SMARCA2: variants seen among roughly 807,000 people sequenced by gnomAD.
SMARCA2 encodes SWI/SNF related BAF chromatin remodeling complex subunit ATPase 2, also known as SWI/SNF-related matrix-associated actin-dependent regulator of chromatin subfamily A member 2.
Under a neutral mutation model 199.8 loss-of-function variants are expected in SMARCA2, and 61 were observed. The observed-to-expected ratio is 0.31, with a 90% CI of 0.25 to 0.38. The LOEUF is 0.38. SMARCA2 is among the 10% of genes least tolerant of loss of function. The probability of loss-of-function intolerance (pLI) is 1.00; values close to 1 mark genes in which losing one functional copy is unlikely to be tolerated. For missense variants in SMARCA2, 1,344 were observed against 2,012.2 expected (o/e 0.67, Z 6.35); for synonymous variants, 935 against 732.0 (o/e 1.28, Z -4.48).
chr9:2,159,498 T>G (rs1388138115), intron 27 of SMARCA2: 2 of 231,176 alleles, frequency 8.7e-6, no homozygotes, highest in East Asian at 9.1e-5. Context: ...TACCTTGTTT[T>G]AATTTTTTAA....
intron 27 of SMARCA2, among the ~76,000 whole-genome samples, chr9:2,144,045 C>T (rs550467145): frequency 1.3e-5 from 2 of 151,898 alleles, no homozygotes; most frequent in Non-Finnish European, 2.9e-5. Context: ...ATCGTACATA[C>T]CCTTTTCATA....
At chr9:2,062,986 T>A (rs1196123000) in intron 9 of SMARCA2, among the ~76,000 whole-genome samples, 1 of 152,212 alleles carries the variant, frequency 6.6e-6, no homozygotes, top group Non-Finnish European at 1.5e-5. Context: ...AAGCAGCTAC[T>A]GTCTACCTTA....
chr9:2,137,215 ATTTTGGAGGATACC>A (rs1824234525), intron 27 of SMARCA2, among the ~76,000 whole-genome samples: 2 of 152,312 alleles, frequency 1.3e-5, no homozygotes, highest in South Asian at 4.1e-4. Context: ...GATTTTTGGC[ATTTTGGAGGATACC>A]TTTCCTCCTT....
chr9:2,148,022 C>T (rs1765887123), intron 27 of SMARCA2, among the ~76,000 whole-genome samples: 1 of 151,550 alleles, frequency 6.6e-6, no homozygotes, highest in South Asian at 2.1e-4. Context: ...CTAATATTAA[C>T]AAAGCATGCT....
At chr9:2,118,449 TACACTC>T (rs1410117828) in intron 25 of SMARCA2, among the ~76,000 whole-genome samples, 5 of 152,124 alleles carry the variant, frequency 3.3e-5, no homozygotes, top group African/African-American at 1.2e-4. Flanking sequence ...GAGCCGCTAG[TACACTC>T]ATACTCTTTC....
intron 4 of SMARCA2, chr9:2,042,804 G>A (rs1024720275): frequency 1.3e-5 from 2 of 151,940 alleles, no homozygotes; most frequent in African/African-American, 4.8e-5. Flanking sequence ...ACAATATTTG[G>A]GCAGGTAGGG....
chr9:2,160,022 G>C, intron 27 of SMARCA2: 2 of 1,419,030 alleles, frequency 1.4e-6, no homozygotes, highest in Middle Eastern at 1.8e-4. Flanking sequence ...GTGTGCAACT[G>C]GGTGCTTGAG....
rs957600647 is a variant in SMARCA2, at chr9:2,016,708, G to C, written c.-37+1304G>C. Among the ~76,000 whole-genome samples, 6 of 152,168 alleles carry C rather than the reference G, an allele frequency of 3.9e-5. No homozygotes were observed. In the East Asian group the frequency reaches 9.7e-4, roughly 25 times the overall value. ...GGCGAGGGCGGGAGGCGGGGAGACC[G>C]GGTAGGAGCCTCCTCCCAACGATGA... On this transcript the variant is annotated intron_variant, in intron 1 of 33. Transcript: ENST00000349721. The surrounding 1 kb of genome is among the most constrained non-coding windows in gnomAD (Gnocchi z 5.6).
Position 2,077,714 on chromosome 9 carries a change from A to G in SMARCA2, c.2122A>G (p.Ile708Val), listed in dbSNP as rs376376092. 9.3e-6 allele frequency: 15 copies of G among 1,613,944 alleles called. No homozygotes were observed. Among genetic ancestry groups the G allele is most frequent in the South Asian group, 4.4e-5 (4 of 91,080 alleles). ...SQSYYTVAHA[I>V]SERVEKQSAL... ...GTCCTACTACACCGTGGCTCATGCCATCTCGGAGAGGGTGGAGAAACAGTC... is the reference window on the plus strand; with the variant it reads ...GTCCTACTACACCGTGGCTCATGCCGTCTCGGAGAGGGTGGAGAAACAGTC... Residue 708 changes from isoleucine (I) to valine (V), a missense_variant, in exon 14 of 34, where the codon ATC (isoleucine) becomes GTC (valine). Transcript: ENST00000349721.
Position 2,039,495 on chromosome 9 carries a change from G to C in SMARCA2, c.385G>C (p.Gly129Arg), listed in dbSNP as rs1439941608. 6.2e-7 allele frequency: 1 copy of C among 1,613,822 alleles called. No individual in the cohort carries two copies. Among genetic ancestry groups the C allele is most frequent in the Non-Finnish European group, 8.5e-7 (1 of 1,179,972 alleles). Residue 129 changes from glycine to arginine, a missense_variant, in exon 4 of 34, where the codon GGA (glycine) becomes CGA (arginine). Coordinates refer to ENST00000349721, the MANE Select transcript of SMARCA2 (RefSeq NM_003070.5). The surrounding 1 kb of genome is among the most constrained non-coding windows in gnomAD (Gnocchi z 4.8). ...GYMSPHPSPL[G>R]APEHVSSPMS... Reference sequence around the variant, plus strand: ...TATGTCACCACACCCATCTCCATTAGGAGCCCCAGAGCACGTCTCCAGCCC... The same window carrying C: ...TATGTCACCACACCCATCTCCATTACGAGCCCCAGAGCACGTCTCCAGCCC...
intron 16 of SMARCA2, 69 bp downstream of exon 16, chr9:2,083,482 A>T (rs1050363307): frequency 2.1e-6 from 2 of 941,250 alleles, no homozygotes; most frequent in Non-Finnish European, 3.4e-6. Context: ...TTCATTCCAT[A>T]TGCACATCTG....
chr9:2,184,993 G>C (rs1043978627), intron 31 of SMARCA2, among the ~76,000 whole-genome samples: 1 of 152,158 alleles, frequency 6.6e-6, no homozygotes, highest in African/African-American at 2.4e-5. Context: ...TGTTCCTAAA[G>C]AGCAGGGGTT....
rs370165660 is a variant in SMARCA2 at position 2,155,401 on chromosome 9, G to A, written c.3982-6285G>A. Reference sequence around the variant, plus strand: ...GGGTTCAAGCGATTCTCCTGCCTCAGCCTCCCGAGTAGCTGGGACTACAGG... The same window carrying A: ...GGGTTCAAGCGATTCTCCTGCCTCAACCTCCCGAGTAGCTGGGACTACAGG... On this transcript the variant is annotated intron_variant, in intron 27 of 33. Coordinates refer to ENST00000349721, the MANE Select transcript of SMARCA2 (RefSeq NM_003070.5). Among the ~76,000 whole-genome samples, 6 of 152,066 alleles carry A rather than the reference G, an allele frequency of 3.9e-5. No homozygotes were observed. The East Asian group carries it at 1.2e-3, about 29-fold the overall frequency.
chr9:2,139,006 G>A (rs1479263429), intron 27 of SMARCA2, among the ~76,000 whole-genome samples: 2 of 152,216 alleles, frequency 1.3e-5, no homozygotes, highest in Non-Finnish European at 2.9e-5. Flanking sequence ...CTGGTCAAAT[G>A]TGTAGAGCTT....
chr9:2,036,499 T>C (rs941290734), intron 3 of SMARCA2, among the ~76,000 whole-genome samples: 1 of 152,230 alleles, frequency 6.6e-6, no homozygotes, highest in African/African-American at 2.4e-5. Context: ...ATTACCAAAA[T>C]ATGTGATGTT....
At chr9:2,105,738 A>G (rs1205269312) in intron 23 of SMARCA2, among the ~76,000 whole-genome samples, 2 of 152,126 alleles carry the variant, frequency 1.3e-5, no homozygotes, top group East Asian at 1.9e-4. Flanking sequence ...TCTTCTTTCA[A>G]AAGACAAACT....
intron 27 of SMARCA2, among the ~76,000 whole-genome samples, chr9:2,142,249 A>C (rs1824498992): frequency 1.3e-5 from 2 of 152,138 alleles, no homozygotes; most frequent in Admixed American, 1.3e-4. Flanking sequence ...ATCAAATTTA[A>C]AGTTTTTAAT....
chr9:2,097,980 T>C (rs1446748977), intron 21 of SMARCA2, among the ~76,000 whole-genome samples: 1 of 152,262 alleles, frequency 6.6e-6, no homozygotes, highest in African/African-American at 2.4e-5. Context: ...CATGATGATG[T>C]AAATCCAGGC....
At chr9:2,100,191 A>G (rs1449983775) in intron 21 of SMARCA2, among the ~76,000 whole-genome samples, 1 of 152,228 alleles carries the variant, frequency 6.6e-6, no homozygotes, top group Non-Finnish European at 1.5e-5. Context: ...CATTCCCATA[A>G]AGTCAGAATG....
Sources: gnomAD v4.1 joint callset for allele counts (sites outside exome capture counted in the v4.1 genomes callset) on GRCh38, gnomAD v4.1.1 for gene constraint, Gnocchi (gnomAD v3.1) non-coding constraint, MANE v1.5 for transcripts, NCBI Gene and HGNC (gene_info 2026-07-23, HGNC 2026-07-21) for gene names.